Variants in FERRY3 observed in about 807,000 individuals in gnomAD.
The protein encoded by FERRY3 is FERRY endosomal RAB5 effector complex subunit 3, also known as protein C12orf4.
chr12:4,488,970 CAAA>C, the FERRY3 span: 1 of 151,882 alleles, frequency 6.6e-6, no homozygotes, highest in African/African-American at 2.4e-5. The surrounding 1 kb of genome is among the most constrained non-coding windows in gnomAD (Gnocchi z 4.9). Flanking sequence ...CATTTATCCG[CAAA>C]AAAATGCAAG....
chr12:4,518,258 G>A, the FERRY3 span: 1 of 1,613,588 alleles, frequency 6.2e-7, no homozygotes, highest in Non-Finnish European at 8.5e-7. Flanking sequence ...CTGGGCTCCT[G>A]GGGGTAGGCA....
At chr12:4,536,397 T>G in the FERRY3 span, among the ~76,000 whole-genome samples, 6 of 150,002 alleles carry the variant, frequency 4.0e-5, no homozygotes, top group Admixed American at 2.0e-4. Context: ...AAGTGCTTCT[T>G]TAAAAAAAAA....
the FERRY3 span, among the ~76,000 whole-genome samples, chr12:4,511,226 C>T: frequency 4.6e-5 from 7 of 151,462 alleles, no homozygotes; most frequent in East Asian, 1.9e-4. Flanking sequence ...ACAGGAGCAC[C>T]CAGATTCATA....
chr12:4,517,340 G>T, the FERRY3 span: 1 of 866,370 alleles, frequency 1.2e-6, no homozygotes. Flanking sequence ...TATGCCTTAA[G>T]TTAGGGCACA....
At chr12:4,523,059 T>G in the FERRY3 span, among the ~76,000 whole-genome samples, 37 of 152,332 alleles carry the variant, frequency 2.4e-4, no homozygotes, top group East Asian at 6.7e-3. Flanking sequence ...ACTGTACACC[T>G]AAAAGAGAAG....
chr12:4,494,241 T>C, the FERRY3 span, among the ~76,000 whole-genome samples: 1 of 152,044 alleles, frequency 6.6e-6, no homozygotes, highest in Admixed American at 6.5e-5. Flanking sequence ...AAAAAAAAGA[T>C]GCTCAGAGAG....
At chr12:4,494,513 T>C in the FERRY3 span, among the ~76,000 whole-genome samples, 1 of 152,244 alleles carries the variant, frequency 6.6e-6, no homozygotes, top group Non-Finnish European at 1.5e-5. Context: ...TTATATATGA[T>C]ATAATGTAAG....
chr12:4,527,743 T>C, the FERRY3 span, among the ~76,000 whole-genome samples: 15 of 152,116 alleles, frequency 9.9e-5, no homozygotes, highest in Non-Finnish European at 1.6e-4. Context: ...GCTAGCGGTT[T>C]GGACAGGTTA....
At chr12:4,511,386 G>A in the FERRY3 span, among the ~76,000 whole-genome samples, 2 of 152,044 alleles carry the variant, frequency 1.3e-5, no homozygotes, top group African/African-American at 2.4e-5. Context: ...TGCACCAAGT[G>A]GACCTAATAG....
the FERRY3 span, among the ~76,000 whole-genome samples, chr12:4,531,590 TGA>T: frequency 2.0e-5 from 3 of 152,342 alleles, no homozygotes; most frequent in East Asian, 5.8e-4. Context: ...CTGGGACGGC[TGA>T]GAGGAATGGG....
chr12:4,494,629 T>C, the FERRY3 span, among the ~76,000 whole-genome samples: 2 of 152,272 alleles, frequency 1.3e-5, no homozygotes, highest in South Asian at 4.1e-4. Context: ...GGAGATCAAA[T>C]GACCATATAT....
At chr12:4,534,189 G>C in the FERRY3 span, 2 of 1,610,538 alleles carry the variant, frequency 1.2e-6, no homozygotes, top group Non-Finnish European at 1.7e-6. Flanking sequence ...GTACTCGCCA[G>C]CTGATGTAAA....
At chr12:4,530,328 C>T in the FERRY3 span, among the ~76,000 whole-genome samples, 1 of 152,054 alleles carries the variant, frequency 6.6e-6, no homozygotes, top group East Asian at 1.9e-4. Flanking sequence ...AGGAAGTGTC[C>T]ACAATAAAAG....
the FERRY3 span, among the ~76,000 whole-genome samples, chr12:4,520,723 C>T: frequency 6.6e-6 from 1 of 152,166 alleles, no homozygotes; most frequent in African/African-American, 2.4e-5. Context: ...CACTCAAGAA[C>T]TTATTTGTGT....
At chr12:4,517,057 C>A in the FERRY3 span, 3 of 1,536,718 alleles carry the variant, frequency 2.0e-6, no homozygotes, top group Non-Finnish European at 2.6e-6. Flanking sequence ...TGAGTTTTAC[C>A]CACCAAGTGA....
the FERRY3 span, among the ~76,000 whole-genome samples, chr12:4,519,689 C>T: frequency 6.6e-6 from 1 of 152,194 alleles, no homozygotes; most frequent in Non-Finnish European, 1.5e-5. The surrounding 1 kb of genome is among the most constrained non-coding windows in gnomAD (Gnocchi z 4.3). Context: ...AGGAACCGGG[C>T]CGCACAGCAG....
At chr12:4,495,476 G>A in the FERRY3 span, among the ~76,000 whole-genome samples, 2 of 152,126 alleles carry the variant, frequency 1.3e-5, no homozygotes, top group African/African-American at 4.8e-5. Flanking sequence ...TTCAGGCTAA[G>A]GTCAAGTCTA....
the FERRY3 span, among the ~76,000 whole-genome samples, chr12:4,501,729 G>A: frequency 3.9e-3 from 592 of 152,214 alleles, 3 homozygotes; most frequent in Middle Eastern, 0.014. Flanking sequence ...AGTGACTTGT[G>A]TAATTATTTC....
chr12:4,530,084 G>C, the FERRY3 span: 1 of 1,565,220 alleles, frequency 6.4e-7, no homozygotes, highest in Non-Finnish European at 8.6e-7. Context: ...CTTAAATCAT[G>C]ATCTAGTATT....
Sources: gnomAD v4.1 joint callset for allele counts (sites outside exome capture counted in the v4.1 genomes callset) on GRCh38, gnomAD v4.1.1 for gene constraint, Gnocchi (gnomAD v3.1) non-coding constraint, MANE v1.5 for transcripts, NCBI Gene and HGNC (gene_info 2026-07-23, HGNC 2026-07-21) for gene names.